EXOC6B: variants seen among roughly 807,000 people sequenced by gnomAD.
EXOC6B encodes the protein SEC15 homolog B.
EXOC6B carries 54 observed loss-of-function variants against 113.5 expected under a neutral mutation model. The ratio of observed to expected loss-of-function variants is 0.48; its 90% CI spans 0.38 to 0.60. The LOEUF (loss-of-function observed/expected upper bound fraction) is 0.60. Ranked by LOEUF, EXOC6B falls within the 20% of genes least tolerant of loss-of-function variation. EXOC6B has a pLI of 0.00. For synonymous variants in EXOC6B, 357 were observed against 339.0 expected, an observed-to-expected ratio of 1.05 and a Z score of -0.58; for missense variants, 797 against 977.5, an observed-to-expected ratio of 0.82 and a Z score of 2.46.
At chr2:72,649,127 G>A (rs1180042577) in intron 6 of EXOC6B, among the ~76,000 whole-genome samples, 2 of 152,074 alleles carry the variant, frequency 1.3e-5, no homozygotes, top group Non-Finnish European at 2.9e-5. Flanking sequence ...GTGACAGGGA[G>A]AGACCCTGTC....
intron 20 of EXOC6B, among the ~76,000 whole-genome samples, chr2:72,230,594 T>G (rs1334353270): frequency 7.9e-5 from 12 of 152,160 alleles, no homozygotes; most frequent in Non-Finnish European, 1.8e-4. Context: ...TCCATATATT[T>G]AAATGAGGTT....
chr2:72,720,471 G>C (rs1236753731), intron 5 of EXOC6B, among the ~76,000 whole-genome samples: 12 of 152,152 alleles, frequency 7.9e-5, no homozygotes, highest in Non-Finnish European at 1.6e-4. Context: ...CACAAGGCTG[G>C]GCACAGTGGC....
intron 1 of EXOC6B, among the ~76,000 whole-genome samples, chr2:72,787,943 T>C (rs1243492658): frequency 6.6e-6 from 1 of 152,194 alleles, no homozygotes; most frequent in African/African-American, 2.4e-5. Context: ...AAGAGAGACA[T>C]GAATAAAAGA....
intron 6 of EXOC6B, among the ~76,000 whole-genome samples, chr2:72,622,584 C>T (rs766264689): frequency 6.6e-6 from 1 of 152,006 alleles, no homozygotes; most frequent in Non-Finnish European, 1.5e-5. Flanking sequence ...GTGGCGTATG[C>T]CTGTGGTCCC....
intron 7 of EXOC6B, among the ~76,000 whole-genome samples, chr2:72,569,874 A>G (rs556172151): frequency 6.6e-6 from 1 of 152,302 alleles, no homozygotes; most frequent in African/African-American, 2.4e-5. Context: ...CATAGGTAAG[A>G]AAAGGGATGC....
chr2:72,726,453 A>C (rs773182994), intron 5 of EXOC6B, among the ~76,000 whole-genome samples: 2 of 152,200 alleles, frequency 1.3e-5, no homozygotes, highest in African/African-American at 2.4e-5. Context: ...CAGCAGACTG[A>C]TCCAACAAGA....
In EXOC6B at chr2:72,780,013, C is replaced by T. The variant is rs1174466983; in HGVS notation, c.114-38544G>A. ...CAGTCTGACCTAATACCAACTTCAC[C>T]CTATGTTTTCAGATGCTTGGTATAA... On this transcript the variant is annotated intron_variant, in intron 1 of 21. Transcript: ENST00000272427. Among the ~76,000 whole-genome samples, 3 of 152,162 alleles carry T rather than the reference C, an allele frequency of 2.0e-5. No homozygotes were observed. In the East Asian group the frequency reaches 5.8e-4, roughly 29 times the overall value.
chr2:72,402,793 T>C (rs1255882874), intron 18 of EXOC6B, among the ~76,000 whole-genome samples: 1 of 152,216 alleles, frequency 6.6e-6, no homozygotes, highest in Non-Finnish European at 1.5e-5. Context: ...GTTTGCTTTT[T>C]TTAATTGTTG....
chr2:72,376,067 C>A (rs911571528), intron 19 of EXOC6B, among the ~76,000 whole-genome samples: 77 of 151,252 alleles, frequency 5.1e-4, no homozygotes, highest in Admixed American at 5.0e-3. Context: ...CAAGGGGAGG[C>A]GAATTAGATG....
At chr2:72,631,771 T>C (rs1245847740) in intron 6 of EXOC6B, among the ~76,000 whole-genome samples, 2 of 152,032 alleles carry the variant, frequency 1.3e-5, no homozygotes, top group Non-Finnish European at 2.9e-5. Context: ...CCCAAAATGC[T>C]GAGATTACAA....
chr2:72,587,543 G>A (rs1015615959), intron 6 of EXOC6B, among the ~76,000 whole-genome samples: 4 of 152,032 alleles, frequency 2.6e-5, no homozygotes, highest in African/African-American at 9.7e-5. Flanking sequence ...CCTGCACGTG[G>A]CCACATGAAA....
intron 20 of EXOC6B, among the ~76,000 whole-genome samples, chr2:72,242,828 G>A (rs1487174659): frequency 6.6e-6 from 1 of 152,172 alleles, no homozygotes; most frequent in Non-Finnish European, 1.5e-5. Context: ...GAACTCCTGG[G>A]CTCAAGTGAT....
intron 6 of EXOC6B, among the ~76,000 whole-genome samples, chr2:72,611,956 A>G (rs1369094882): frequency 1.3e-5 from 2 of 152,116 alleles, no homozygotes; most frequent in African/African-American, 4.8e-5. Flanking sequence ...AAAGAAGACT[A>G]TAAATTAAAC....
intron 20 of EXOC6B, among the ~76,000 whole-genome samples, chr2:72,294,909 A>C (rs1686031341): frequency 6.6e-6 from 1 of 152,118 alleles, no homozygotes; most frequent in Non-Finnish European, 1.5e-5. Flanking sequence ...AGTATCTTAA[A>C]TGTTTTTAAA....
At chr2:72,781,192 A>G (rs913753611) in intron 1 of EXOC6B, among the ~76,000 whole-genome samples, 1 of 152,064 alleles carries the variant, frequency 6.6e-6, no homozygotes, top group Non-Finnish European at 1.5e-5. Flanking sequence ...TTACCCTAAC[A>G]TTTCTATCCA....
At position 72,465,329 on chromosome 2, in the gene EXOC6B, T is replaced by C; in HGVS notation, c.1811A>G (p.His604Arg). Residue 604 changes from histidine (H) to arginine (R), a missense_variant, in exon 18 of 22, where the codon CAT becomes CGT. Coordinates refer to ENST00000272427, the MANE Select transcript of EXOC6B (RefSeq NM_015189.3). ...YGTTTFKDAR[H>R]AAEEEIYTNL... ...GGTATAAATCTCTTCTTCAGCTGCA[T>C]GTCTAGCATCCTGTGAAAAAATATA... 2 of 1,585,458 alleles carry C rather than the reference T, an allele frequency of 1.3e-6. No individual in the cohort carries two copies. The highest frequency in any genetic ancestry group is 1.7e-6 in the Non-Finnish European group (2 of 1,167,378).
At chr2:72,346,117 T>C (rs1315942366) in intron 19 of EXOC6B, among the ~76,000 whole-genome samples, 1 of 152,104 alleles carries the variant, frequency 6.6e-6, no homozygotes, top group Non-Finnish European at 1.5e-5. Flanking sequence ...AATAATGAAG[T>C]CTAATAGCAA....
At chr2:72,416,993 T>C (rs187569291) in intron 18 of EXOC6B, among the ~76,000 whole-genome samples, 1 of 152,298 alleles carries the variant, frequency 6.6e-6, no homozygotes, top group East Asian at 1.9e-4. Flanking sequence ...AAAAGTTTTA[T>C]CATAGGAACC....
At chr2:72,607,195 A>G (rs1670806767) in intron 6 of EXOC6B, among the ~76,000 whole-genome samples, 1 of 152,162 alleles carries the variant, frequency 6.6e-6, no homozygotes, top group African/African-American at 2.4e-5. Flanking sequence ...TCCAATTCTA[A>G]ATCTCAAGCT....
Sources: gnomAD v4.1 joint callset for allele counts (sites outside exome capture counted in the v4.1 genomes callset) on GRCh38, gnomAD v4.1.1 for gene constraint, MANE v1.5 for transcripts, NCBI Gene and HGNC (gene_info 2026-07-23, HGNC 2026-07-21) for gene names.